Variants in NFASC observed in about 807,000 individuals in gnomAD.
NFASC encodes neurofascin homolog.
In NFASC, 43 loss-of-function variants were observed where a neutral mutation model predicts 147.5. That is an observed-to-expected ratio of 0.29 (90% CI 0.23 to 0.38). The LOEUF (loss-of-function observed/expected upper bound fraction) is 0.38. Ranked by LOEUF, NFASC falls within the 10% of genes least tolerant of loss-of-function variation. The pLI, the probability that NFASC is intolerant of heterozygous loss-of-function variation, is 1.00. For missense variants in NFASC, 1,320 were observed against 1,689.0 expected (o/e 0.78, Z 3.83); for synonymous variants, 622 against 665.5 (o/e 0.93, Z 1.01).
chr1:204,881,733 G>A (rs1053767503), intron 1 of NFASC, among the ~76,000 whole-genome samples: 2 of 152,080 alleles, frequency 1.3e-5, no homozygotes, highest in African/African-American at 4.8e-5. Context: ...GCTTGACAAA[G>A]ATTCTTTGCT....
intron 27 of NFASC, among the ~76,000 whole-genome samples, chr1:205,007,352 C>T (rs1396406359): frequency 1.3e-5 from 2 of 151,006 alleles, no homozygotes; most frequent in Non-Finnish European, 2.9e-5. Flanking sequence ...GCTATGATAA[C>T]ACCACTGCAC....
rs556175089 is a variant in NFASC at position 204,981,999 on chromosome 1, A to G, written c.2449A>G (p.Ile817Val). 21 of 1,588,790 alleles carry G rather than the reference A, an allele frequency of 1.3e-5. No individual in the cohort carries two copies. The East Asian group carries it at 3.5e-4, about 26-fold the overall frequency. ...GAAGGGCCCTGAGCCAGAGTCCGTC[A>G]TCGGTTACTCCGGAGAAGATTGTGA... Reference protein sequence around the residue: ...FGKGPEPESVIGYSGEDLPSA... With the variant: ...FGKGPEPESVVGYSGEDLPSA... Residue 817 changes from isoleucine (I) to valine (V), a missense_variant, in exon 21 of 30, where the codon ATC becomes GTC. Physicochemically the swap from Ile to Val is conservative, Grantham distance 29 (BLOSUM62 3). Transcript: ENST00000339876.
intron 10 of NFASC, among the ~76,000 whole-genome samples, chr1:204,970,192 C>A (rs1313513923): frequency 6.6e-6 from 1 of 151,900 alleles, no homozygotes; most frequent in Admixed American, 6.6e-5. Flanking sequence ...CCAGAGGGAC[C>A]AACTCAGTGC....
At chr1:204,948,950 C>T (rs2093953668) in intron 3 of NFASC, among the ~76,000 whole-genome samples, 1 of 152,208 alleles carries the variant, frequency 6.6e-6, no homozygotes, top group South Asian at 2.1e-4. Context: ...ACTGGAGTTA[C>T]CTTTCTTGGG....
chr1:204,987,595 C>G lies in NFASC; in HGVS notation c.2593+55C>G. Reference sequence around the variant, plus strand: ...TAATCTGGGAACCAGAAACCCCATTCTCACCACTTTTCCTAAGGACTCAAG... The same window carrying G: ...TAATCTGGGAACCAGAAACCCCATTGTCACCACTTTTCCTAAGGACTCAAG... On this transcript the variant is annotated intron_variant, in intron 22 of 29. Transcript: ENST00000339876. The surrounding 1 kb of genome is among the most constrained non-coding windows in gnomAD (Gnocchi z 4.4). 3 of 1,604,402 alleles carry G rather than the reference C, an allele frequency of 1.9e-6. No homozygotes were observed. The highest frequency in any genetic ancestry group is 2.6e-6 in the Non-Finnish European group (3 of 1,172,592).
chr1:204,961,991 A>C (rs2094695858), intron 8 of NFASC: 1 of 733,302 alleles, frequency 1.4e-6, no homozygotes, highest in Non-Finnish European at 2.4e-6. Context: ...TTTGCAAAAG[A>C]CCACTGCTGC....
chr1:204,972,400 C>A (rs1406106393), intron 11 of NFASC, among the ~76,000 whole-genome samples: 2 of 151,242 alleles, frequency 1.3e-5, no homozygotes, highest in Admixed American at 1.3e-4. Context: ...TTATCTTAGC[C>A]TTTCTTAGAG....
Position 204,912,274 on chromosome 1 carries a change from A to G in NFASC, c.-199-8358A>G, listed in dbSNP as rs150547915. Among the ~76,000 whole-genome samples, 1,138 of 152,030 alleles carry G rather than the reference A, an allele frequency of 7.5e-3. 14 individuals carry two copies. Among genetic ancestry groups the G allele is most frequent in the African/African-American group, 0.026 (1,072 of 41,466 alleles). ...CCTGTTTTCTAATGTGTGGATTTAT[A>G]AACTTCCCCTTAGCAGTGCTTTAGC... On this transcript the variant is annotated intron_variant, in intron 1 of 29. Transcript: ENST00000339876.
intron 1 of NFASC, among the ~76,000 whole-genome samples, chr1:204,843,589 T>A (rs898386190): frequency 1.2e-5 from 1 of 80,130 alleles, no homozygotes; most frequent in African/African-American, 6.0e-5. Context: ...TCTTTCCTTC[T>A]TCCTTCCTTC....
At chr1:204,858,002 C>G (rs890403189) in intron 1 of NFASC, among the ~76,000 whole-genome samples, 1 of 149,142 alleles carries the variant, frequency 6.7e-6, no homozygotes, top group African/African-American at 2.5e-5. Context: ...TTACTACGGC[C>G]TCCACCTCCG....
rs2095381445 is a variant in NFASC, at chr1:204,975,559, A to G, written c.1706+141A>G. 6.0e-6 allele frequency: 7 copies of G among 1,173,962 alleles called. 1 individual carries two copies. The highest frequency in any genetic ancestry group is 4.9e-6 in the Non-Finnish European group (4 of 819,504). 72.7% of individuals were successfully genotyped at this position (1,173,962 alleles called of 1,614,324 possible). A position where few individuals can be genotyped will look rare whatever the true frequency, so the allele number is the denominator to read the frequency against. Reference sequence around the variant, plus strand: ...CCAAGGAGCTTCTGCAGAGGGGGTGATGGCCTGGGCAACTCCCCTGCTTCA... The same window carrying G: ...CCAAGGAGCTTCTGCAGAGGGGGTGGTGGCCTGGGCAACTCCCCTGCTTCA... On this transcript the variant is annotated intron_variant, in intron 15 of 29. Transcript: ENST00000339876. This position sits in a 1 kb window ranked among gnomAD's most constrained non-coding sequence, Gnocchi z 4.0.
intron 1 of NFASC, among the ~76,000 whole-genome samples, chr1:204,829,186 A>T (rs1671495405): frequency 6.8e-6 from 1 of 146,422 alleles, no homozygotes; most frequent in Non-Finnish European, 1.5e-5. Flanking sequence ...TACCGCACAC[A>T]TCAGCCCCTT....
chr1:204,828,699 C>T lies in NFASC; in HGVS notation c.-283C>T. On this transcript the variant is annotated 5_prime_UTR_variant, in exon 1 of 30. Transcript: ENST00000339876. The stretch of plus-strand genomic sequence containing the variant: ...TAATGCGGCGGCTGGCGGCGAGAGG[C>T]GCTGCAGGGGACGCGGGGGAAGTGG... 8.1e-6 allele frequency: 8 copies of T among 985,482 alleles called. No individual in the cohort carries two copies. The highest frequency in any genetic ancestry group is 4.7e-5 in the South Asian group (1 of 21,286). The allele number at this position is 985,482 out of a possible 1,614,324, so 61.0% of individuals were successfully genotyped here.
At chr1:204,926,041 G>C (rs561494989) in intron 2 of NFASC, among the ~76,000 whole-genome samples, 1 of 151,884 alleles carries the variant, frequency 6.6e-6, no homozygotes, top group Admixed American at 6.6e-5. Context: ...TGTGGAGATA[G>C]AGACCAGACA....
chr1:205,009,425 G>T lies in NFASC; in HGVS notation c.3290-132G>T, dbSNP rs749285320. On this transcript the variant is annotated intron_variant, in intron 27 of 29. Transcript: ENST00000339876. ...TTAGCAGGGTAGTTTGGGCCAGGGG[G>T]CTGCTAGGTGGTAGTGTTAGGCTCC... The T allele has an allele frequency of 5.2e-6, 5 of 958,816 alleles. No homozygotes were observed. The African/African-American group carries it at 7.9e-5, about 15-fold the overall frequency. 59.4% of individuals were successfully genotyped at this position (958,816 alleles called of 1,614,324 possible).
chr1:204,897,787 G>A (rs2083683058), intron 1 of NFASC, among the ~76,000 whole-genome samples: 1 of 151,996 alleles, frequency 6.6e-6, no homozygotes, highest in Admixed American at 6.5e-5. Flanking sequence ...CCAGGCTGGA[G>A]TGCAGTGATA....
At chr1:204,856,986 A>ATGT (rs2076211873) in intron 1 of NFASC, among the ~76,000 whole-genome samples, 1 of 152,060 alleles carries the variant, frequency 6.6e-6, no homozygotes, top group Non-Finnish European at 1.5e-5. Context: ...CTATGAACAC[A>ATGT]TAAGTACATG....
intron 23 of NFASC, chr1:204,990,303 C>T (rs2095698151): frequency 6.6e-6 from 1 of 152,192 alleles, no homozygotes; most frequent in Non-Finnish European, 1.5e-5. Flanking sequence ...GTGTCTGTCA[C>T]CAAAGGCCAG....
Position 205,016,585 on chromosome 1 carries a change from G to A in NFASC, c.*46G>A, listed in dbSNP as rs1172902599. The A allele has an allele frequency of 7.2e-7, 1 of 1,398,548 alleles. No individual in the cohort carries two copies. Among genetic ancestry groups the A allele is most frequent in the South Asian group, 1.2e-5 (1 of 86,436 alleles). 86.6% of individuals were successfully genotyped at this position (1,398,548 alleles called of 1,614,324 possible). On this transcript the variant is annotated 3_prime_UTR_variant, in exon 30 of 30. Coordinates refer to ENST00000339876, the MANE Select transcript of NFASC (RefSeq NM_001005388.3). This position sits in a 1 kb window ranked among gnomAD's most constrained non-coding sequence, Gnocchi z 5.1. Reference sequence around the variant, plus strand: ...CCACCACTTTGCAAGTGGGAGGAGGGGAGAAGGGGAGACAAAACCACTGCA... The same window carrying A: ...CCACCACTTTGCAAGTGGGAGGAGGAGAGAAGGGGAGACAAAACCACTGCA...
Sources: allele counts gnomAD v4.1 joint callset (sites outside exome capture counted in the v4.1 genomes callset), GRCh38; gene constraint gnomAD v4.1.1; non-coding constraint Gnocchi (gnomAD v3.1); transcripts MANE v1.5; gene names NCBI Gene and HGNC (gene_info 2026-07-23, HGNC 2026-07-21).